The following SMARCD2 variants were observed in gnomAD, a reference collection of about 807,000 sequenced individuals.
SMARCD2 encodes the protein SWI/SNF related BAF chromatin remodeling complex subunit D2, also known as SWI/SNF-related matrix-associated actin-dependent regulator of chromatin subfamily D member 2.
A neutral mutation model predicts 70.4 loss-of-function variants in SMARCD2; 39 were observed. That is an observed-to-expected ratio of 0.55 (90% CI 0.43 to 0.72). The LOEUF (loss-of-function observed/expected upper bound fraction) is 0.72, where lower values mean the gene tolerates loss of function less well. SMARCD2 is among the 30% of genes least tolerant of loss of function. SMARCD2 has a pLI of 0.00. For synonymous variants in SMARCD2, 249 were observed against 279.4 expected, an observed-to-expected ratio of 0.89 and a Z score of 1.08; for missense variants, 540 against 713.4, an observed-to-expected ratio of 0.76 and a Z score of 2.77.
Position 63,832,263 on chromosome 17 carries a change from G to A in SMARCD2, c.*675C>T. 2.2e-6 allele frequency: 1 copy of A among 450,018 alleles called. No homozygotes were observed. The highest frequency in any genetic ancestry group is 3.8e-5 in the Admixed American group (1 of 26,412). 27.9% of individuals were successfully genotyped at this position (450,018 alleles called of 1,614,324 possible). A position where few individuals can be genotyped will look rare whatever the true frequency, so the allele number is the denominator to read the frequency against. ...TACCTCAGGCCATGCTAGAGAACTG[G>A]AGTGTCCCCTCCCCGGCCCAAGCCG... On this transcript the variant is annotated 3_prime_UTR_variant, in exon 13 of 13. Coordinates refer to ENST00000448276, the MANE Select transcript of SMARCD2 (RefSeq NM_001098426.2).
chr17:63,837,158 A>G lies in SMARCD2; in HGVS notation c.444+37T>C, dbSNP rs2040275677. 2 of 1,611,242 alleles carry G rather than the reference A, an allele frequency of 1.2e-6. No homozygotes were observed. Among genetic ancestry groups the G allele is most frequent in the Admixed American group, 1.7e-5 (1 of 59,952 alleles). On this transcript the variant is annotated intron_variant, in intron 3 of 12. Transcript: ENST00000448276. This position sits in a 1 kb window ranked among gnomAD's most constrained non-coding sequence, Gnocchi z 6.4. Reference sequence around the variant, plus strand: ...GATGGACACCCACCCCAAGGTGGCCACTGGGCAGGCCTCCCAGGTGTCCTC... The same window carrying G: ...GATGGACACCCACCCCAAGGTGGCCGCTGGGCAGGCCTCCCAGGTGTCCTC...
intron 4 of SMARCD2, 66 bp from the exon 5 acceptor site, chr17:63,835,633 C>T (rs900661243): frequency 4.7e-6 from 7 of 1,498,116 alleles, no homozygotes; most frequent in Middle Eastern, 1.7e-4. Context: ...GCTACCGCAT[C>T]TTCTCATATG....
chr17:63,832,162 C>T lies in SMARCD2; in HGVS notation c.*776G>A, dbSNP rs552827119. 1 of 628,568 alleles carries T rather than the reference C, an allele frequency of 1.6e-6. No individual in the cohort carries two copies. The highest frequency in any genetic ancestry group is 2.8e-5 in the Admixed American group (1 of 36,136). 38.9% of individuals were successfully genotyped at this position (628,568 alleles called of 1,614,324 possible). ...CAAGCCCTAGGCCCACCCTCCTCAC[C>T]AAGCTCCAAAGGGCAACACCAGTCC... On this transcript the variant is annotated 3_prime_UTR_variant, in exon 13 of 13. Transcript: ENST00000448276.
chr17:63,842,436 C>A lies in SMARCD2; in HGVS notation c.216+23G>T, dbSNP rs142813799. ...CCCTCGCAGCGCCTCTCGCCCCCGTCCGCTCGCGTCCTCCTTGCTCACCTG... is the reference window on the plus strand; with the variant it reads ...CCCTCGCAGCGCCTCTCGCCCCCGTACGCTCGCGTCCTCCTTGCTCACCTG... On this transcript the variant is annotated intron_variant, in intron 1 of 12. Transcript: ENST00000448276. The A allele has an allele frequency of 7.7e-3, 10,395 of 1,345,722 alleles. 36 individuals carry two copies. Among genetic ancestry groups the A allele is most frequent in the Admixed American group, 0.011 (334 of 30,010 alleles). The allele number at this position is 1,345,722 out of a possible 1,614,324, so 83.4% of individuals were successfully genotyped here. A position where few individuals can be genotyped will look rare whatever the true frequency, so the allele number is the denominator to read the frequency against.
chr17:63,836,877 G>C, intron 4 of SMARCD2, 45 bp downstream of exon 4: 2 of 1,583,678 alleles, frequency 1.3e-6, no homozygotes, highest in Non-Finnish European at 1.7e-6. Flanking sequence ...GGGGTGGAAG[G>C]CAAGGAAACC....
At chr17:63,842,433 C>T in intron 1 of SMARCD2, 26 bp downstream of exon 1, 16 of 1,341,224 alleles carry the variant, frequency 1.2e-5, no homozygotes, top group Non-Finnish European at 1.5e-5. Context: ...CTCTCGCCCC[C>T]GTCCGCTCGC....
At chr17:63,835,855 T>G (rs2584619) in intron 4 of SMARCD2, among the ~76,000 whole-genome samples, 100 of 151,298 alleles carry the variant, frequency 6.6e-4, no homozygotes, top group African/African-American at 2.3e-3. Context: ...CAGTCTCCCA[T>G]GTAGCTGGGA....
In SMARCD2 at chr17:63,838,890, A is replaced by C. The variant is rs1002816334; in HGVS notation, c.217-1265T>G. 5 of 985,302 alleles carry C rather than the reference A, an allele frequency of 5.1e-6. No homozygotes were observed. The African/African-American group carries it at 7.0e-5, about 14-fold the overall frequency. The allele number at this position is 985,302 out of a possible 1,614,324, so 61.0% of individuals were successfully genotyped here. A position where few individuals can be genotyped will look rare whatever the true frequency, so the allele number is the denominator to read the frequency against. Reference sequence around the variant, plus strand: ...TTCTTCCCCAACCTCTTCATCCCGCACTAAACCCATGTTCCCAACACAGAG... The same window carrying C: ...TTCTTCCCCAACCTCTTCATCCCGCCCTAAACCCATGTTCCCAACACAGAG... On this transcript the variant is annotated intron_variant, in intron 1 of 12. Transcript: ENST00000448276.
intron 1 of SMARCD2, among the ~76,000 whole-genome samples, chr17:63,840,964 A>G (rs1904437551): frequency 6.6e-6 from 1 of 152,204 alleles, no homozygotes; most frequent in Non-Finnish European, 1.5e-5. Flanking sequence ...CCAAGGGCAC[A>G]TTTCCTATGG....
At position 63,837,327 on chromosome 17, in the gene SMARCD2, C is replaced by A; in HGVS notation, c.402-90G>T. 6.6e-7 allele frequency: 1 copy of A among 1,519,992 alleles called. No individual in the cohort carries two copies. The highest frequency in any genetic ancestry group is 1.1e-5 in the South Asian group (1 of 89,122). The allele number at this position is 1,519,992 out of a possible 1,614,324, so 94.2% of individuals were successfully genotyped here. On this transcript the variant is annotated intron_variant, in intron 2 of 12. Transcript: ENST00000448276. This position sits in a 1 kb window ranked among gnomAD's most constrained non-coding sequence, Gnocchi z 6.4. ...GCCCCTCCAGTCTCCAGGACCCTCT[C>A]CCCCAGGAGAGCCTGGAGTCATCCT...
At chr17:63,840,331 G>A (rs565482868) in intron 1 of SMARCD2, among the ~76,000 whole-genome samples, 3 of 135,188 alleles carry the variant, frequency 2.2e-5, no homozygotes, top group East Asian at 2.0e-4. Flanking sequence ...CACCATGCTT[G>A]GCTAAATTTT....
In SMARCD2 at chr17:63,837,436, C is replaced by T. The variant is rs749095041; in HGVS notation, c.401+5G>A. 2 of 1,572,282 alleles carry T rather than the reference C, an allele frequency of 1.3e-6. No homozygotes were observed. The highest frequency in any genetic ancestry group is 1.7e-6 in the Non-Finnish European group (2 of 1,157,190). On this transcript the variant is annotated splice_donor_5th_base_variant and intron_variant, in intron 2 of 12. Coordinates refer to ENST00000448276, the MANE Select transcript of SMARCD2 (RefSeq NM_001098426.2). This position sits in a 1 kb window ranked among gnomAD's most constrained non-coding sequence, Gnocchi z 6.4. ...GGCAGAGTGAGAGAAGCAGGATGCT[C>T]TTACCCCCGGCGCTGGGCAGGCATG...
chr17:63,832,688 T>TGCCTGC lies in SMARCD2; in HGVS notation c.*249_*250insGCAGGC. 1 of 569,014 alleles carries TGCCTGC rather than the reference T, an allele frequency of 1.8e-6. No homozygotes were observed. The highest frequency in any genetic ancestry group is 2.1e-5 in the South Asian group (1 of 48,732). The allele number at this position is 569,014 out of a possible 1,614,324, so 35.2% of individuals were successfully genotyped here. A position where few individuals can be genotyped will look rare whatever the true frequency, so the allele number is the denominator to read the frequency against. On this transcript the variant is annotated 3_prime_UTR_variant, in exon 13 of 13. Coordinates refer to ENST00000448276, the MANE Select transcript of SMARCD2 (RefSeq NM_001098426.2). Reference sequence around the variant, plus strand: ...GTCAAAGCACAGCCTCCAGCAGTCCTACTTGGGCCTGCCTGCAGGGGGGCA... The same window carrying TGCCTGC: ...GTCAAAGCACAGCCTCCAGCAGTCCTGCCTGCACTTGGGCCTGCCTGCAGGGGGGCA...
rs1003579004 is a variant in SMARCD2 at position 63,832,707 on chromosome 17, G to T, written c.*231C>A. The stretch of plus-strand genomic sequence containing the variant: ...CAGTCCTACTTGGGCCTGCCTGCAG[G>T]GGGGCAGAGGAGGCATCTGCTGAAC... On this transcript the variant is annotated 3_prime_UTR_variant, in exon 13 of 13. Transcript: ENST00000448276. 1.9e-5 allele frequency: 11 copies of T among 581,000 alleles called. No homozygotes were observed. Among genetic ancestry groups the T allele is most frequent in the Middle Eastern group, 4.6e-4 (1 of 2,190 alleles). 36.0% of individuals were successfully genotyped at this position (581,000 alleles called of 1,614,324 possible). A position where few individuals can be genotyped will look rare whatever the true frequency, so the allele number is the denominator to read the frequency against.
chr17:63,835,002 C>T (rs2040247027), intron 5 of SMARCD2: 4 of 586,274 alleles, frequency 6.8e-6, no homozygotes, highest in South Asian at 2.1e-5. Context: ...GGGACTTCCT[C>T]GAGACACTCG....
Position 63,832,682 on chromosome 17 carries a change from C to CCTT in SMARCD2, c.*255_*256insAAG. 1 of 563,290 alleles carries CCTT rather than the reference C, an allele frequency of 1.8e-6. No individual in the cohort carries two copies. The highest frequency in any genetic ancestry group is 2.1e-5 in the South Asian group (1 of 48,432). 34.9% of individuals were successfully genotyped at this position (563,290 alleles called of 1,614,324 possible). On this transcript the variant is annotated 3_prime_UTR_variant, in exon 13 of 13. Coordinates refer to ENST00000448276, the MANE Select transcript of SMARCD2 (RefSeq NM_001098426.2). The stretch of plus-strand genomic sequence containing the variant: ...TACAATGTCAAAGCACAGCCTCCAG[C>CCTT]AGTCCTACTTGGGCCTGCCTGCAGG...
chr17:63,837,376 G>T lies in SMARCD2; in HGVS notation c.401+65C>A. ...CTCAGTCACCAAAGCTCTTAAGATA[G>T]AAGGAAACCCTCTGCTACCACCAGA... On this transcript the variant is annotated intron_variant, in intron 2 of 12. Transcript: ENST00000448276. The surrounding 1 kb of genome is among the most constrained non-coding windows in gnomAD (Gnocchi z 6.4). 1 of 1,552,684 alleles carries T rather than the reference G, an allele frequency of 6.4e-7. No individual in the cohort carries two copies.
chr17:63,842,468 C>T lies in SMARCD2; in HGVS notation c.207G>A (p.Ala69=). The change falls in exon 1 of 13, where the codon GCG becomes GCA. Residue 69 remains alanine (A), a synonymous_variant. Transcript: ENST00000448276. ...CGTCCTCCTTGCTCACCTGGTACTG[C>T]GCCGCGGGGCCCGCGGGGCCCATGG... ...FRPMGPAGPA[A]QYQRPGMSPG... The T allele has an allele frequency of 7.9e-7, 1 of 1,270,066 alleles. No homozygotes were observed. Among genetic ancestry groups the T allele is most frequent in the Non-Finnish European group, 9.9e-7 (1 of 1,010,694 alleles). The allele number at this position is 1,270,066 out of a possible 1,614,324, so 78.7% of individuals were successfully genotyped here.
intron 1 of SMARCD2, 163 bp downstream of exon 1, chr17:63,842,293 TCTC>T: frequency 8.9e-7 from 1 of 1,118,904 alleles, no homozygotes; most frequent in Non-Finnish European, 1.1e-6. Context: ...CCTTCCCACT[TCTC>T]CACCGCGACC....
Sources: gnomAD v4.1 joint callset for allele counts (sites outside exome capture counted in the v4.1 genomes callset) on GRCh38, gnomAD v4.1.1 for gene constraint, Gnocchi (gnomAD v3.1) non-coding constraint, MANE v1.5 for transcripts, NCBI Gene and HGNC (gene_info 2026-07-23, HGNC 2026-07-21) for gene names.